Variants in ABTB2 observed in about 807,000 individuals in gnomAD.
The protein encoded by ABTB2 is ankyrin repeat and BTB/POZ domain-containing protein 2.
A neutral mutation model predicts 104.1 loss-of-function variants in ABTB2; 56 were observed. The observed-to-expected ratio is 0.54, with a 90% CI of 0.43 to 0.67. The LOEUF (loss-of-function observed/expected upper bound fraction) is 0.67, where lower values mean the gene tolerates loss of function less well. Among genes scored for constraint, ABTB2 ranks in the 30% least tolerant of loss-of-function variants. ABTB2 has a pLI of 0.00. For synonymous variants in ABTB2, 606 were observed against 608.2 expected (o/e 1.00, Z 0.05); for missense variants, 1,279 against 1,407.7 (o/e 0.91, Z 1.46).
At chr11:34,227,416 A>C (rs940494723) in intron 1 of ABTB2, among the ~76,000 whole-genome samples, 1 of 152,166 alleles carries the variant, frequency 6.6e-6, no homozygotes, top group African/African-American at 2.4e-5. Flanking sequence ...GACATTTCAC[A>C]TAAATGGAAT....
chr11:34,294,061 T>C (rs1428210329), intron 1 of ABTB2, among the ~76,000 whole-genome samples: 3 of 152,192 alleles, frequency 2.0e-5, no homozygotes, highest in African/African-American at 7.2e-5. Context: ...AAGAACAAAA[T>C]GGTAGGGTAC....
intron 1 of ABTB2, among the ~76,000 whole-genome samples, chr11:34,227,756 C>T (rs553704987): frequency 8.6e-5 from 13 of 151,858 alleles, no homozygotes; most frequent in South Asian, 8.3e-4. Flanking sequence ...TTTTCTGAGA[C>T]GGAGTTTTGC....
chr11:34,202,160 A>G (rs1853349448), intron 2 of ABTB2, among the ~76,000 whole-genome samples: 1 of 152,270 alleles, frequency 6.6e-6, no homozygotes, highest in Non-Finnish European at 1.5e-5. Context: ...AGTGGTGATC[A>G]GTGCTTTAAT....
intron 1 of ABTB2, among the ~76,000 whole-genome samples, chr11:34,293,951 T>C (rs374335982): frequency 2.0e-5 from 3 of 152,138 alleles, no homozygotes; most frequent in African/African-American, 7.2e-5. Context: ...GTCGGTAAAA[T>C]GTTAACACTT....
intron 1 of ABTB2, among the ~76,000 whole-genome samples, chr11:34,262,983 CA>C (rs1854207099): frequency 6.6e-6 from 1 of 152,180 alleles, no homozygotes; most frequent in Non-Finnish European, 1.5e-5. Flanking sequence ...GAGACGAAAT[CA>C]GGCCAGGGAG....
At chr11:34,347,903 G>C (rs2133127328) in intron 1 of ABTB2, among the ~76,000 whole-genome samples, 1 of 152,172 alleles carries the variant, frequency 6.6e-6, no homozygotes, top group East Asian at 1.9e-4. Context: ...AAAGTTCTGG[G>C]ACCATCTTCT....
At chr11:34,336,699 C>A (rs1468046415) in intron 1 of ABTB2, among the ~76,000 whole-genome samples, 1 of 152,050 alleles carries the variant, frequency 6.6e-6, no homozygotes, top group Non-Finnish European at 1.5e-5. Flanking sequence ...GCAGTTAGAC[C>A]CGGGTTTGTT....
At chr11:34,205,123 C>G (rs1418050311) in intron 1 of ABTB2, among the ~76,000 whole-genome samples, 1 of 152,184 alleles carries the variant, frequency 6.6e-6, no homozygotes, top group East Asian at 1.9e-4. Flanking sequence ...ACTTAGGGTT[C>G]TGGGGTGACA....
intron 14 of ABTB2, among the ~76,000 whole-genome samples, chr11:34,157,176 C>T (rs546563808): frequency 3.3e-5 from 5 of 152,194 alleles, no homozygotes; most frequent in African/African-American, 4.8e-5. Flanking sequence ...CCCGGAAAGT[C>T]GGAGCTGAGG....
intron 1 of ABTB2, among the ~76,000 whole-genome samples, chr11:34,268,851 C>A (rs900339545): frequency 6.6e-6 from 1 of 152,154 alleles, no homozygotes; most frequent in African/African-American, 2.4e-5. Context: ...TATTCAGATG[C>A]CCCTCTTACT....
intron 1 of ABTB2, among the ~76,000 whole-genome samples, chr11:34,313,885 C>T (rs1024100134): frequency 4.6e-5 from 7 of 152,200 alleles, no homozygotes; most frequent in African/African-American, 1.7e-4. Flanking sequence ...CCCTCCCCAC[C>T]GTCCTCAGCA....
intron 1 of ABTB2, among the ~76,000 whole-genome samples, chr11:34,231,285 G>A (rs990930272): frequency 2.0e-5 from 3 of 152,166 alleles, no homozygotes; most frequent in Non-Finnish European, 4.4e-5. Flanking sequence ...ATATATGCAT[G>A]CTTACTGATT....
intron 1 of ABTB2, among the ~76,000 whole-genome samples, chr11:34,304,410 A>G (rs1854747114): frequency 1.3e-5 from 2 of 152,218 alleles, no homozygotes; most frequent in African/African-American, 4.8e-5. Context: ...TGCACCTGGC[A>G]GTTATTGTAT....
intron 1 of ABTB2, among the ~76,000 whole-genome samples, chr11:34,214,684 T>C (rs1853528582): frequency 6.6e-6 from 1 of 151,988 alleles, no homozygotes; most frequent in African/African-American, 2.4e-5. Flanking sequence ...GGATTACAGG[T>C]GTGGGCCACT....
chr11:34,292,078 G>T (rs942521025), intron 1 of ABTB2, among the ~76,000 whole-genome samples: 2 of 152,056 alleles, frequency 1.3e-5, no homozygotes, highest in African/African-American at 4.8e-5. Flanking sequence ...ACCAAATTAG[G>T]GAAGGGAGGA....
chr11:34,272,302 CAAAAAAA>C (rs60997940), intron 1 of ABTB2, among the ~76,000 whole-genome samples: 2 of 80,780 alleles, frequency 2.5e-5, no homozygotes, highest in Non-Finnish European at 5.6e-5. Context: ...CAGGAAGCTG[CAAAAAAA>C]AAAAAAAAAA....
chr11:34,354,018 T>C (rs187605219), intron 1 of ABTB2, among the ~76,000 whole-genome samples: 4 of 152,348 alleles, frequency 2.6e-5, no homozygotes, highest in African/African-American at 9.6e-5. Context: ...AAGTAATTCA[T>C]TGCCCCTCTA....
chr11:34,152,374 T>A lies in ABTB2; in HGVS notation c.*13A>T, dbSNP rs750255959. The stretch of plus-strand genomic sequence containing the variant: ...TCCACAGGCCCTGGCCTCGGCAGCC[T>A]CCGCCCCCTGCCTCACACCCGGGAG... On this transcript the variant is annotated 3_prime_UTR_variant, in exon 17 of 17. Coordinates refer to ENST00000435224, the MANE Select transcript of ABTB2 (RefSeq NM_145804.3). 5.8e-6 allele frequency: 9 copies of A among 1,551,764 alleles called. No individual in the cohort carries two copies. The highest frequency in any genetic ancestry group is 7.0e-6 in the Non-Finnish European group (8 of 1,148,650).
intron 1 of ABTB2, among the ~76,000 whole-genome samples, chr11:34,273,982 C>G (rs1184722912): frequency 6.6e-6 from 1 of 150,648 alleles, no homozygotes; most frequent in Non-Finnish European, 1.5e-5. Context: ...GAAACCCCGT[C>G]TCTACTAAAA....
Sources: allele counts gnomAD v4.1 joint callset (sites outside exome capture counted in the v4.1 genomes callset), GRCh38; gene constraint gnomAD v4.1.1; transcripts MANE v1.5; gene names NCBI Gene and HGNC (gene_info 2026-07-23, HGNC 2026-07-21).